ZKSCAN4: variants seen among roughly 807,000 people sequenced by gnomAD.
ZKSCAN4 encodes the protein zinc finger protein with KRAB and SCAN domains 4.
In ZKSCAN4, 23 loss-of-function variants were observed where a neutral mutation model predicts 30.8. That is an observed-to-expected ratio of 0.75 (90% CI 0.54 to 1.06). The LOEUF (loss-of-function observed/expected upper bound fraction) is 1.06. Among genes scored for constraint, ZKSCAN4 ranks in the 50% least tolerant of loss-of-function variants. The pLI is 0.00. For synonymous variants in ZKSCAN4, 208 were observed against 252.5 expected (o/e 0.82, Z 1.67); for missense variants, 556 against 665.4 (o/e 0.84, Z 1.81).
upstream of ZKSCAN4, among the ~76,000 whole-genome samples, chr6:28,257,169 TTGTTA>T (rs111310846): frequency 0.2 from 30,002 of 152,042 alleles, 3,475 homozygotes; most frequent in African/African-American, 0.31. Context: ...GCTTTTTCTT[TTGTTA>T]TAAGTATGTA....
At position 28,251,804 on chromosome 6, in the gene ZKSCAN4, G is replaced by A; in HGVS notation, c.177C>T (p.Phe59=). 1 of 1,613,104 alleles carries A rather than the reference G, an allele frequency of 6.2e-7. No individual in the cohort carries two copies. Among genetic ancestry groups the A allele is most frequent in the Non-Finnish European group, 8.5e-7 (1 of 1,179,312 alleles). ...PERSRQRFRG[F]RYPEAAGPRE... is the part of the protein sequence containing the mutation. ...GGGGGCCCGCAGCCTCCGGGTAGCG[G>A]AAGCCTCGGAAGCGCTGGCGGGAGC... The change falls in exon 1 of 5, where the codon TTC becomes TTT. Residue 59 remains phenylalanine (F), a synonymous_variant. Coordinates refer to ENST00000377294, the MANE Select transcript of ZKSCAN4 (RefSeq NM_019110.5). The surrounding 1 kb of genome is among the most constrained non-coding windows in gnomAD (Gnocchi z 4.5).
chr6:28,251,063 A>C lies in ZKSCAN4; in HGVS notation c.423+495T>G, dbSNP rs1430691304. On this transcript the variant is annotated intron_variant, in intron 1 of 4. Coordinates refer to ENST00000377294, the MANE Select transcript of ZKSCAN4 (RefSeq NM_019110.5). The surrounding 1 kb of genome is among the most constrained non-coding windows in gnomAD (Gnocchi z 4.5). ...CATGAACTTAGAAAGGACAAAAACTAATCTTATTTTTACTGGTCTTTAAGA... is the reference window on the plus strand; with the variant it reads ...CATGAACTTAGAAAGGACAAAAACTCATCTTATTTTTACTGGTCTTTAAGA... Among the ~76,000 whole-genome samples, 1 of 152,228 alleles carries C rather than the reference A, an allele frequency of 6.6e-6. No individual in the cohort carries two copies. Among genetic ancestry groups the C allele is most frequent in the African/African-American group, 2.4e-5 (1 of 41,462 alleles).
At position 28,249,817 on chromosome 6, in the gene ZKSCAN4, C is replaced by G. The variant is rs757986029; in HGVS notation, c.441G>C (p.Gln147His). Reference sequence around the variant, plus strand: ...TCTTGCAACAGAGCAGTTCTTGCCCCTGGTCACCAACGGGAACCTAGAAGT... The same window carrying G: ...TCTTGCAACAGAGCAGTTCTTGCCCGTGGTCACCAACGGGAACCTAGAAGT... ...EPAPQVPVGD[Q>H]GQELLCCKMA... is the part of the protein sequence containing the mutation. Residue 147 changes from glutamine to histidine, a missense_variant, in exon 2 of 5, where the codon CAG becomes CAC. Gln to His is a conservative substitution (Grantham distance 24). Transcript: ENST00000377294. The surrounding 1 kb of genome is among the most constrained non-coding windows in gnomAD (Gnocchi z 4.1). The G allele has an allele frequency of 6.2e-7, 1 of 1,613,880 alleles. No individual in the cohort carries two copies. The highest frequency in any genetic ancestry group is 2.2e-5 in the East Asian group (1 of 44,866).
Position 28,244,942 on chromosome 6 carries a change from C to T in ZKSCAN4, c.*174G>A. ...CTTATCAAATGACTTCTTCCAATCA[C>T]TTTCTAGAATGTAGAAGATAACTCA... On this transcript the variant is annotated 3_prime_UTR_variant, in exon 5 of 5. Coordinates refer to ENST00000377294, the MANE Select transcript of ZKSCAN4 (RefSeq NM_019110.5). 1 of 863,724 alleles carries T rather than the reference C, an allele frequency of 1.2e-6. No individual in the cohort carries two copies. The highest frequency in any genetic ancestry group is 1.9e-6 in the Non-Finnish European group (1 of 530,308). The allele number at this position is 863,724 out of a possible 1,614,324, so 53.5% of individuals were successfully genotyped here.
chr6:28,254,596 C>G (rs1761128708), upstream of ZKSCAN4, among the ~76,000 whole-genome samples: 1 of 152,216 alleles, frequency 6.6e-6, no homozygotes, highest in African/African-American at 2.4e-5. Context: ...TTTAAGCAGG[C>G]TGCAGAAGGG....
chr6:28,251,696 C>T lies in ZKSCAN4; in HGVS notation c.285G>A (p.Leu95=). The change falls in exon 1 of 5, where the codon CTG becomes CTA. Residue 95 remains leucine (L), a synonymous_variant. Coordinates refer to ENST00000377294, the MANE Select transcript of ZKSCAN4 (RefSeq NM_019110.5). This position sits in a 1 kb window ranked among gnomAD's most constrained non-coding sequence, Gnocchi z 4.5. Reference sequence around the variant, plus strand: ...TGGTCAGGAACTGCTCCAGCACCAGCAGCTCCAGGATCTGCTCCTTGCTGT... The same window carrying T: ...TGGTCAGGAACTGCTCCAGCACCAGTAGCTCCAGGATCTGCTCCTTGCTGT... The part of the protein sequence containing the change: ...EMHSKEQILE[L]LVLEQFLTIL... The T allele has an allele frequency of 6.2e-7, 1 of 1,614,248 alleles. No individual in the cohort carries two copies. The highest frequency in any genetic ancestry group is 8.5e-7 in the Non-Finnish European group (1 of 1,180,038).
Position 28,251,921 on chromosome 6 carries a change from C to G in ZKSCAN4, c.60G>C (p.Thr20=). 1 of 1,528,858 alleles carries G rather than the reference C, an allele frequency of 6.5e-7. No individual in the cohort carries two copies. Among genetic ancestry groups the G allele is most frequent in the Non-Finnish European group, 8.7e-7 (1 of 1,143,872 alleles). The allele number at this position is 1,528,858 out of a possible 1,614,324, so 94.7% of individuals were successfully genotyped here. A position where few individuals can be genotyped will look rare whatever the true frequency, so the allele number is the denominator to read the frequency against. The change falls in exon 1 of 5, where the codon ACG becomes ACC. Residue 20 remains threonine (T), a synonymous_variant. Transcript: ENST00000377294. This position sits in a 1 kb window ranked among gnomAD's most constrained non-coding sequence, Gnocchi z 4.5. ...ALDAQSAEDQ[T]GLLTVKVEKE... is the part of the protein sequence containing the mutation. ...TCTCCACCTTCACGGTCAGGAGCCC[C>G]GTCTGGTCTTCTGCAGACTGGGCGT... is the stretch of plus-strand genomic sequence containing the variant.
chr6:28,255,440 T>A (rs1761148716), upstream of ZKSCAN4, among the ~76,000 whole-genome samples: 1 of 152,180 alleles, frequency 6.6e-6, no homozygotes, highest in African/African-American at 2.4e-5. Flanking sequence ...AAAATGACCC[T>A]GAAATAGAGT....
Position 28,252,035 on chromosome 6 carries a change from G to A in ZKSCAN4, c.-55C>T. 1 of 1,498,898 alleles carries A rather than the reference G, an allele frequency of 6.7e-7. No homozygotes were observed. Among genetic ancestry groups the A allele is most frequent in the Non-Finnish European group, 8.9e-7 (1 of 1,124,716 alleles). The allele number at this position is 1,498,898 out of a possible 1,614,324, so 92.8% of individuals were successfully genotyped here. On this transcript the variant is annotated 5_prime_UTR_variant, in exon 1 of 5. Transcript: ENST00000377294. Reference sequence around the variant, plus strand: ...TCTAGTTGCGACCTGTATATCTTCAGAGGATTCTGGAAGGGTGGTAAATTT... The same window carrying A: ...TCTAGTTGCGACCTGTATATCTTCAAAGGATTCTGGAAGGGTGGTAAATTT...
At position 28,242,046 on chromosome 6, in the gene ZKSCAN4, T is replaced by G. The variant is rs958813016; in HGVS notation, c.*3070A>C. Among the ~76,000 whole-genome samples, 13 of 152,160 alleles carry G rather than the reference T, an allele frequency of 8.5e-5. No individual in the cohort carries two copies. Among genetic ancestry groups the G allele is most frequent in the African/African-American group, 3.1e-4 (13 of 41,440 alleles). On this transcript the variant is annotated 3_prime_UTR_variant, in exon 5 of 5. Transcript: ENST00000377294. ...CGAAGTAGAAAAAGTGCTATAACCATTTACTATTCAAGCAAAGGGAGAAAA... is the reference window on the plus strand; with the variant it reads ...CGAAGTAGAAAAAGTGCTATAACCAGTTACTATTCAAGCAAAGGGAGAAAA...
chr6:28,241,896 T>TC lies in ZKSCAN4; in HGVS notation c.*3219dup, dbSNP rs1395185507. 6.6e-6 allele frequency among the ~76,000 whole-genome samples: 1 copy of TC among 151,936 alleles called. No homozygotes were observed. The highest frequency in any genetic ancestry group is 1.5e-5 in the Non-Finnish European group (1 of 67,966). Reference sequence around the variant, plus strand: ...AAGTTGTCATTCCTACCTTTTTTTTTCTCTCACTAAAGGAAGAGGCAGAGA... The same window carrying TC: ...AAGTTGTCATTCCTACCTTTTTTTTTCCTCTCACTAAAGGAAGAGGCAGAGA... On this transcript the variant is annotated 3_prime_UTR_variant, in exon 5 of 5. Coordinates refer to ENST00000377294, the MANE Select transcript of ZKSCAN4 (RefSeq NM_019110.5).
chr6:28,246,046 A>C (rs1230816214), intron 4 of ZKSCAN4, 71 bp from the exon 5 acceptor site: 1 of 1,592,110 alleles, frequency 6.3e-7, no homozygotes, highest in East Asian at 2.2e-5. Flanking sequence ...GATGAGTACT[A>C]GGGAGACAAG....
chr6:28,250,237 T>C (rs1427034644), intron 1 of ZKSCAN4, among the ~76,000 whole-genome samples: 7 of 152,074 alleles, frequency 4.6e-5, no homozygotes, highest in Non-Finnish European at 1.0e-4. Flanking sequence ...CCGGCTAATG[T>C]TTTGTACTTT....
rs1760988629 is a variant in ZKSCAN4, at chr6:28,251,463, A to G, written c.423+95T>C. The G allele has an allele frequency of 6.3e-7, 1 of 1,598,650 alleles. No individual in the cohort carries two copies. Among genetic ancestry groups the G allele is most frequent in the Non-Finnish European group, 8.5e-7 (1 of 1,171,588 alleles). On this transcript the variant is annotated intron_variant, in intron 1 of 4. Transcript: ENST00000377294. The surrounding 1 kb of genome is among the most constrained non-coding windows in gnomAD (Gnocchi z 4.5). Reference sequence around the variant, plus strand: ...GTTCACAGTACAAAAAGAGATGAAGAACTCCTGGACCTTAAAGGAATGCCC... The same window carrying G: ...GTTCACAGTACAAAAAGAGATGAAGGACTCCTGGACCTTAAAGGAATGCCC...
rs998814181 is a variant in ZKSCAN4 at position 28,242,796 on chromosome 6, C to T, written c.*2320G>A. Among the ~76,000 whole-genome samples, 2 of 152,152 alleles carry T rather than the reference C, an allele frequency of 1.3e-5. No individual in the cohort carries two copies. The highest frequency in any genetic ancestry group is 4.8e-5 in the African/African-American group (2 of 41,422). ...ACACACACAAATAGAGGCTTTATTT[C>T]TTCCCTTTTCTAGCATAGCAGACAC... On this transcript the variant is annotated 3_prime_UTR_variant, in exon 5 of 5. Transcript: ENST00000377294.
chr6:28,253,626 C>T (rs559283953), upstream of ZKSCAN4, among the ~76,000 whole-genome samples: 3 of 152,306 alleles, frequency 2.0e-5, no homozygotes, highest in South Asian at 6.2e-4. The surrounding 1 kb of genome is among the most constrained non-coding windows in gnomAD (Gnocchi z 4.2). Context: ...TTTAAAACAT[C>T]CTGATACCTA....
chr6:28,250,585 T>C (rs1411153695), intron 1 of ZKSCAN4, among the ~76,000 whole-genome samples: 1 of 152,208 alleles, frequency 6.6e-6, no homozygotes, highest in Non-Finnish European at 1.5e-5. Flanking sequence ...ATGAGGATAA[T>C]AATTTCTACT....
Position 28,244,150 on chromosome 6 carries a change from ACAGT to A in ZKSCAN4, c.*962_*965del, listed in dbSNP as rs1344358342. Among the ~76,000 whole-genome samples, 1 of 152,210 alleles carries A rather than the reference ACAGT, an allele frequency of 6.6e-6. No individual in the cohort carries two copies. Among genetic ancestry groups the A allele is most frequent in the Non-Finnish European group, 1.5e-5 (1 of 68,032 alleles). On this transcript the variant is annotated 3_prime_UTR_variant, in exon 5 of 5. Coordinates refer to ENST00000377294, the MANE Select transcript of ZKSCAN4 (RefSeq NM_019110.5). ...GCTTAGCTGGCATAAGCCTTGATGC[ACAGT>A]CAGCTATAAACTGGGGAAGAGGGAC... is the stretch of plus-strand genomic sequence containing the variant.
intron 2 of ZKSCAN4, among the ~76,000 whole-genome samples, chr6:28,248,838 A>G (rs570196237): frequency 6.8e-6 from 1 of 146,172 alleles, no homozygotes; most frequent in East Asian, 2.0e-4. Context: ...AAAAAAAAAA[A>G]AAAAAAGAAA....
Sources: gnomAD v4.1 joint callset for allele counts (sites outside exome capture counted in the v4.1 genomes callset) on GRCh38, gnomAD v4.1.1 for gene constraint, Gnocchi (gnomAD v3.1) non-coding constraint, MANE v1.5 for transcripts, NCBI Gene and HGNC (gene_info 2026-07-23, HGNC 2026-07-21) for gene names.